The following DGKI variants were observed in gnomAD, a reference collection of about 807,000 sequenced individuals.
DGKI encodes diacylglycerol kinase iota.
DGKI carries 55 observed loss-of-function variants against 147.5 expected under a neutral mutation model. That is an observed-to-expected ratio of 0.37 (90% confidence interval 0.30 to 0.47). The LOEUF (loss-of-function observed/expected upper bound fraction) is 0.47, where lower values mean the gene tolerates loss of function less well. Ranked by LOEUF, DGKI falls within the 20% of genes least tolerant of loss-of-function variation. The pLI is 1.00. For missense variants in DGKI, 1,007 were observed against 1,323.8 expected, an observed-to-expected ratio of 0.76 and a Z score of 3.71; for synonymous variants, 469 against 477.1, an observed-to-expected ratio of 0.98 and a Z score of 0.22.
chr7:137,512,656 T>C (rs7787693), intron 21 of DGKI, among the ~76,000 whole-genome samples: 4,235 of 152,306 alleles, frequency 0.028, 88 homozygotes, highest in South Asian at 0.073. Context: ...TGCAATTGAT[T>C]GCTCTCATTG....
chr7:137,675,363 T>C (rs545928441), intron 3 of DGKI, among the ~76,000 whole-genome samples: 1 of 152,210 alleles, frequency 6.6e-6, no homozygotes, highest in African/African-American at 2.4e-5. Flanking sequence ...CCCATCTGCA[T>C]CAGAATTATT....
intron 1 of DGKI, among the ~76,000 whole-genome samples, chr7:137,718,317 C>A (rs532800963): frequency 4.5e-4 from 69 of 152,248 alleles, no homozygotes; most frequent in Non-Finnish European, 8.8e-4. Context: ...TAACTTGTCC[C>A]AAATTGTAAG....
intron 28 of DGKI, among the ~76,000 whole-genome samples, chr7:137,425,335 G>A (rs1349057875): frequency 6.6e-6 from 1 of 152,128 alleles, no homozygotes; most frequent in African/African-American, 2.4e-5. Context: ...TGCAGCTAAG[G>A]GTCCTGTCTG....
chr7:137,830,921 A>C (rs1027475517), intron 1 of DGKI, among the ~76,000 whole-genome samples: 2 of 152,212 alleles, frequency 1.3e-5, no homozygotes, highest in African/African-American at 4.8e-5. Flanking sequence ...CTTTGACTTA[A>C]ATTATTTCCC....
At chr7:137,699,528 T>C (rs1249512032) in intron 1 of DGKI, among the ~76,000 whole-genome samples, 1 of 152,212 alleles carries the variant, frequency 6.6e-6, no homozygotes, top group Non-Finnish European at 1.5e-5. Flanking sequence ...GGGCTGAATT[T>C]TATATCCAGG....
intron 25 of DGKI, 122 bp from the exon 26 acceptor site, chr7:137,466,157 G>C: frequency 8.2e-7 from 1 of 1,217,194 alleles, no homozygotes; most frequent in East Asian, 2.5e-5. Context: ...AGCTTGATCA[G>C]TTGGTGATCC....
intron 20 of DGKI, among the ~76,000 whole-genome samples, chr7:137,551,468 G>T (rs886221536): frequency 6.6e-6 from 1 of 152,182 alleles, no homozygotes; most frequent in Admixed American, 6.5e-5. Context: ...TGCATTACAG[G>T]CCACAAACGG....
chr7:137,814,027 C>T lies in DGKI; in HGVS notation c.401+32435G>A, dbSNP rs186549988. Among the ~76,000 whole-genome samples, 5 of 152,222 alleles carry T rather than the reference C, an allele frequency of 3.3e-5. No individual in the cohort carries two copies. In the East Asian group the frequency reaches 7.7e-4, roughly 24 times the overall value. On this transcript the variant is annotated intron_variant, in intron 1 of 32. Transcript: ENST00000614521. ...AAATAGTACAGGACATATTGTGAAA[C>T]CCCAAAGGACAGCTTTACTGCCTCT... is the stretch of plus-strand genomic sequence containing the variant.
chr7:137,644,972 G>A (rs570880466), intron 6 of DGKI, among the ~76,000 whole-genome samples: 12 of 152,312 alleles, frequency 7.9e-5, no homozygotes, highest in African/African-American at 2.4e-4. Context: ...CATGATGACA[G>A]AGGAGGTAGA....
At chr7:137,494,404 G>C (rs1014433430) in intron 21 of DGKI, among the ~76,000 whole-genome samples, 2 of 151,996 alleles carry the variant, frequency 1.3e-5, no homozygotes, top group Non-Finnish European at 2.9e-5. Flanking sequence ...AAGGAAGAAA[G>C]TTTAAGGAAG....
At chr7:137,815,687 C>T (rs924508098) in intron 1 of DGKI, among the ~76,000 whole-genome samples, 4 of 152,096 alleles carry the variant, frequency 2.6e-5, no homozygotes, top group African/African-American at 4.8e-5. Context: ...AGGTGACACT[C>T]GTAGTACTAG....
At chr7:137,790,589 T>C (rs1167792229) in intron 1 of DGKI, among the ~76,000 whole-genome samples, 1 of 152,150 alleles carries the variant, frequency 6.6e-6, no homozygotes, top group Non-Finnish European at 1.5e-5. Flanking sequence ...CGTGGAGCAA[T>C]TTCTACCAAT....
intron 1 of DGKI, among the ~76,000 whole-genome samples, chr7:137,750,162 G>A (rs574524084): frequency 1.3e-5 from 2 of 152,308 alleles, no homozygotes; most frequent in Admixed American, 1.3e-4. Context: ...AAAGAAGAAA[G>A]ATACCCTTGT....
chr7:137,719,342 A>C (rs1206437255), intron 1 of DGKI, among the ~76,000 whole-genome samples: 1 of 151,862 alleles, frequency 6.6e-6, no homozygotes, highest in Non-Finnish European at 1.5e-5. Context: ...AAACCAGATG[A>C]TTTTCTCGGT....
At chr7:137,800,716 A>T (rs996158176) in intron 1 of DGKI, among the ~76,000 whole-genome samples, 1 of 152,232 alleles carries the variant, frequency 6.6e-6, no homozygotes, top group African/African-American at 2.4e-5. Context: ...CCTAGAAAAG[A>T]CTGGCAAAAC....
At chr7:137,689,819 A>T (rs1823542522) in intron 2 of DGKI, 75 bp downstream of exon 2, 1 of 1,053,600 alleles carries the variant, frequency 9.5e-7, no homozygotes, top group African/African-American at 1.6e-5. Context: ...CTTCCTTGTA[A>T]CTAGAGGAAT....
intron 2 of DGKI, among the ~76,000 whole-genome samples, chr7:137,682,272 T>C (rs532096261): frequency 1.3e-5 from 2 of 152,228 alleles, no homozygotes; most frequent in African/African-American, 2.4e-5. Context: ...AAATGAACTA[T>C]TTTTGTTTTC....
chr7:137,807,559 A>C (rs1334488404), intron 1 of DGKI, among the ~76,000 whole-genome samples: 1 of 152,208 alleles, frequency 6.6e-6, no homozygotes, highest in Non-Finnish European at 1.5e-5. Context: ...AGCACTTCTC[A>C]AACTTTCACG....
intron 28 of DGKI, among the ~76,000 whole-genome samples, chr7:137,412,809 G>A (rs1402334891): frequency 6.6e-6 from 1 of 152,094 alleles, no homozygotes; most frequent in Admixed American, 6.5e-5. Context: ...TTTTAATTGT[G>A]TGCTTGAGAA....
Sources: allele counts gnomAD v4.1 joint callset (sites outside exome capture counted in the v4.1 genomes callset), GRCh38; gene constraint gnomAD v4.1.1; transcripts MANE v1.5; gene names NCBI Gene and HGNC (gene_info 2026-07-23, HGNC 2026-07-21).